Variants in TOP6BL observed in about 807,000 individuals in gnomAD.
TOP6BL encodes type 2 DNA topoisomerase 6 subunit B-like.
At chr11:66,821,574 C>T in the TOP6BL span, 5 of 1,508,566 alleles carry the variant, frequency 3.3e-6, no homozygotes, top group Non-Finnish European at 4.5e-6. Flanking sequence ...TAATTTAAGA[C>T]TAGCTTTTGC....
chr11:66,834,586 T>C, the TOP6BL span, among the ~76,000 whole-genome samples: 34 of 152,202 alleles, frequency 2.2e-4, no homozygotes, highest in Admixed American at 2.2e-3. Flanking sequence ...ATATGCTTTA[T>C]TGAGAAACTG....
chr11:66,762,785 T>G, the TOP6BL span, among the ~76,000 whole-genome samples: 1 of 152,242 alleles, frequency 6.6e-6, no homozygotes, highest in South Asian at 2.1e-4. Flanking sequence ...TTTCTTTATC[T>G]TGGTCATATC....
At chr11:66,793,186 A>G in the TOP6BL span, among the ~76,000 whole-genome samples, 1 of 151,734 alleles carries the variant, frequency 6.6e-6, no homozygotes, top group Non-Finnish European at 1.5e-5. Flanking sequence ...TCCAGGTTCA[A>G]GTGATTCTGG....
At chr11:66,829,066 C>A in the TOP6BL span, among the ~76,000 whole-genome samples, 34 of 103,146 alleles carry the variant, frequency 3.3e-4, 1 homozygote, top group South Asian at 0.011. Context: ...CTGCCTCTGT[C>A]TCAAAAAAAA....
chr11:66,768,363 T>TC, the TOP6BL span, among the ~76,000 whole-genome samples: 1 of 152,112 alleles, frequency 6.6e-6, no homozygotes, highest in African/African-American at 2.4e-5. Flanking sequence ...TAACGCTTTT[T>TC]CCCCCGGGAG....
chr11:66,795,146 T>A, the TOP6BL span, among the ~76,000 whole-genome samples: 9 of 151,502 alleles, frequency 5.9e-5, no homozygotes, highest in African/African-American at 2.2e-4. Flanking sequence ...AAAAAAAATA[T>A]ATATATATAT....
At chr11:66,841,025 T>C in the TOP6BL span, among the ~76,000 whole-genome samples, 1 of 151,704 alleles carries the variant, frequency 6.6e-6, no homozygotes. Flanking sequence ...GTTTCCTCTC[T>C]CCTGACTAAA....
chr11:66,834,838 C>T, the TOP6BL span, among the ~76,000 whole-genome samples: 4 of 152,234 alleles, frequency 2.6e-5, no homozygotes, highest in South Asian at 2.1e-4. Flanking sequence ...TGCATCACTG[C>T]ACCTGGCGAG....
chr11:66,758,302 C>CTTTCTTTTTTTT, the TOP6BL span: 1 of 67,318 alleles, frequency 1.5e-5, no homozygotes, highest in Non-Finnish European at 2.5e-5. Flanking sequence ...TTTTCTTTTT[C>CTTTCTTTTTTTT]TTTTTTTTTT....
chr11:66,804,246 C>A, the TOP6BL span: 2 of 1,395,072 alleles, frequency 1.4e-6, no homozygotes, highest in Admixed American at 2.4e-5. Flanking sequence ...TTTTTATATC[C>A]CAGTTTTAGG....
the TOP6BL span, among the ~76,000 whole-genome samples, chr11:66,822,112 C>T: frequency 6.6e-6 from 1 of 152,200 alleles, no homozygotes; most frequent in South Asian, 2.1e-4. Context: ...TACATTCTTC[C>T]CCCATTTTCC....
the TOP6BL span, among the ~76,000 whole-genome samples, chr11:66,804,812 C>T: frequency 6.6e-6 from 1 of 152,056 alleles, no homozygotes; most frequent in African/African-American, 2.4e-5. Context: ...TGGCTCACAC[C>T]TGTAATCCCA....
At chr11:66,811,255 C>T in the TOP6BL span, among the ~76,000 whole-genome samples, 1 of 152,164 alleles carries the variant, frequency 6.6e-6, no homozygotes, top group Non-Finnish European at 1.5e-5. Flanking sequence ...GCAACCTCTG[C>T]CTCCTGAGTT....
chr11:66,814,124 T>G, the TOP6BL span: 1 of 1,234,742 alleles, frequency 8.1e-7, no homozygotes, highest in Non-Finnish European at 1.1e-6. Flanking sequence ...AGAGATCTGA[T>G]GGCCCAGGTT....
At chr11:66,822,510 TA>T in the TOP6BL span, 1 of 1,234,174 alleles carries the variant, frequency 8.1e-7, no homozygotes, top group Non-Finnish European at 1.2e-6. Context: ...TGGGATTCTC[TA>T]AACCACATCT....
the TOP6BL span, chr11:66,759,170 T>G: frequency 9.5e-7 from 1 of 1,047,134 alleles, no homozygotes; most frequent in Non-Finnish European, 1.3e-6. Context: ...GAAACAAATT[T>G]ATAATGAAAG....
At chr11:66,800,787 T>G in the TOP6BL span, 1 of 1,215,266 alleles carries the variant, frequency 8.2e-7, no homozygotes, top group East Asian at 2.5e-5. Context: ...GTTCACAGTT[T>G]GATATCTTGA....
chr11:66,830,046 A>G, the TOP6BL span, among the ~76,000 whole-genome samples: 4 of 152,374 alleles, frequency 2.6e-5, no homozygotes, highest in Admixed American at 1.3e-4. Context: ...AATGCTTTCA[A>G]TCACTTTGAC....
chr11:66,837,843 C>A, the TOP6BL span, among the ~76,000 whole-genome samples: 2 of 152,142 alleles, frequency 1.3e-5, no homozygotes, highest in Non-Finnish European at 2.9e-5. Flanking sequence ...GTAAGAACCT[C>A]TTTTTCTCTG....
Sources: allele counts gnomAD v4.1 joint callset (sites outside exome capture counted in the v4.1 genomes callset), GRCh38; gene constraint gnomAD v4.1.1; transcripts MANE v1.5; gene names NCBI Gene and HGNC (gene_info 2026-07-23, HGNC 2026-07-21).